THBS1: variants seen among roughly 807,000 people sequenced by gnomAD.
THBS1 encodes thrombospondin 1.
THBS1 carries 29 observed loss-of-function variants against 126.1 expected under a neutral mutation model. The observed-to-expected ratio is 0.23, with a 90% CI of 0.17 to 0.31. The LOEUF (loss-of-function observed/expected upper bound fraction) is 0.31. THBS1 is among the 10% of genes least tolerant of loss of function. THBS1 has a pLI of 1.00. For missense variants in THBS1, 1,198 were observed against 1,545.2 expected (o/e 0.78, Z 3.77); for synonymous variants, 496 against 577.8 (o/e 0.86, Z 2.03).
rs372911079 is a variant in THBS1 at position 39,581,902 on chromosome 15, G to T, written c.45G>T (p.Val15=). The change falls in exon 2 of 22, where the codon GTG becomes GTT. Residue 15 remains valine (V), a synonymous_variant. Transcript: ENST00000260356. ...TAGGCGTCCTGTTCCTGATGCATGT[G>T]TGTGGCACCAACCGCATTCCAGGTG... The part of the protein sequence containing the change: ...WGLGVLFLMH[V]CGTNRIPESG... 39 of 1,614,052 alleles carry T rather than the reference G, an allele frequency of 2.4e-5. No homozygotes were observed. The highest frequency in any genetic ancestry group is 1.1e-5 in the South Asian group (1 of 91,082).
At position 39,589,071 on chromosome 15, in the gene THBS1, C is replaced by G; in HGVS notation, c.1758C>G (p.Cys586Trp). The G allele has an allele frequency of 6.2e-7, 1 of 1,614,158 alleles. No homozygotes were observed. The highest frequency in any genetic ancestry group is 8.5e-7 in the Non-Finnish European group (1 of 1,180,032). ...PPGYSGNGIQ[C>W]TDVDECKEVP... The stretch of plus-strand genomic sequence containing the variant: ...GTTACAGTGGAAATGGCATCCAGTG[C>G]ACAGATGTTGATGAGGTGAGGAACT... Residue 586 changes from cysteine (C) to tryptophan (W), a missense_variant, in exon 11 of 22, where the codon TGC becomes TGG. Cys to Trp is a radical substitution (Grantham distance 215). Around this residue, in one of 4 missense-constraint regions of THBS1, gnomAD observed 663 missense variants for 860.1 expected, o/e 0.77. Coordinates refer to ENST00000260356, the MANE Select transcript of THBS1 (RefSeq NM_003246.4). This position sits in a 1 kb window ranked among gnomAD's most constrained non-coding sequence, Gnocchi z 4.7.
chr15:39,597,280 GTTTTTTTTTTTTT>G lies in THBS1; in HGVS notation c.*1920_*1932del. The G allele has an allele frequency of 2.1e-5, 1 of 48,044 alleles. No individual in the cohort carries two copies. Among genetic ancestry groups the G allele is most frequent in the African/African-American group, 8.0e-5 (1 of 12,474 alleles). 3.0% of individuals were successfully genotyped at this position (48,044 alleles called of 1,614,324 possible). A position where few individuals can be genotyped will look rare whatever the true frequency, so the allele number is the denominator to read the frequency against. ...GTTGGTTTTTTCTTTTTTTTGTTTT[GTTTTTTTTTTTTT>G]TTTTTTTTGCTTTTGACCTCCCATT... On this transcript the variant is annotated 3_prime_UTR_variant, in exon 22 of 22. Transcript: ENST00000260356.
At chr15:39,588,819 T>C (rs1297316373) in intron 10 of THBS1, 120 bp downstream of exon 10, 1 of 1,573,544 alleles carries the variant, frequency 6.4e-7, no homozygotes, top group Non-Finnish European at 8.7e-7. Flanking sequence ...TGCTCTAAGA[T>C]GCAGGTGGAC....
chr15:39,598,706 G>A lies in THBS1; in HGVS notation c.*3337G>A, dbSNP rs913519951. Reference sequence around the variant, plus strand: ...AAAATTAAAATTATGTCATCGAGATGATAGCTTTTTTCCTCCTCCAACAGT... The same window carrying A: ...AAAATTAAAATTATGTCATCGAGATAATAGCTTTTTTCCTCCTCCAACAGT... On this transcript the variant is annotated 3_prime_UTR_variant, in exon 22 of 22. Transcript: ENST00000260356. The A allele has an allele frequency of 2.6e-5, 4 of 152,162 alleles. No individual in the cohort carries two copies. The highest frequency in any genetic ancestry group is 2.9e-5 in the Non-Finnish European group (2 of 68,036). 9.4% of individuals were successfully genotyped at this position (152,162 alleles called of 1,614,324 possible).
At position 39,588,663 on chromosome 15, in the gene THBS1, GA is replaced by G; in HGVS notation, c.1613del (p.Asn538ThrfsTer23). 6.2e-7 allele frequency: 1 copy of G among 1,601,866 alleles called. No individual in the cohort carries two copies. The highest frequency in any genetic ancestry group is 8.5e-7 in the Non-Finnish European group (1 of 1,175,388). On this transcript the variant is annotated frameshift_variant, in exon 10 of 22. Transcript: ENST00000260356. LOFTEE classifies it high-confidence loss of function. ...GGKDCVGDVT[E>X]NQICNKQDCP... ...CAAGGACTGCGTTGGTGATGTAACA[GA>G]AAACCAGATCTGCAACAAGCAGGAC...
Position 39,593,262 on chromosome 15 carries a change from T to A in THBS1, c.2995+35T>A. On this transcript the variant is annotated intron_variant, in intron 18 of 21. Coordinates refer to ENST00000260356, the MANE Select transcript of THBS1 (RefSeq NM_003246.4). The surrounding 1 kb of genome is among the most constrained non-coding windows in gnomAD (Gnocchi z 5.9). ...GAGTTCTTAGATCCTAAGAGACTGA[T>A]GCATACATGGGGAAAAACAAATATA... is the stretch of plus-strand genomic sequence containing the variant. 2.5e-6 allele frequency: 4 copies of A among 1,611,314 alleles called. No homozygotes were observed. Among genetic ancestry groups the A allele is most frequent in the Non-Finnish European group, 3.4e-6 (4 of 1,177,460 alleles).
Position 39,582,617 on chromosome 15 carries a change from G to C in THBS1, c.492G>C (p.Arg164Ser). 1 of 1,614,086 alleles carries C rather than the reference G, an allele frequency of 6.2e-7. No individual in the cohort carries two copies. The highest frequency in any genetic ancestry group is 8.5e-7 in the Non-Finnish European group (1 of 1,180,036). The change falls in exon 3 of 22, where the codon AGG becomes AGC. Residue 164 changes from arginine to serine, a missense_variant. Physicochemically the swap from Arg to Ser is moderately radical, Grantham distance 110. This residue lies in a region of THBS1 where 271 missense variants were observed against 277.0 expected (regional missense o/e 0.98). Transcript: ENST00000260356. Reference sequence around the variant, plus strand: ...TCACCCTGTTTGTGCAGGAAGACAGGGCCCAGCTGTACATCGACTGTGAAA... The same window carrying C: ...TCACCCTGTTTGTGCAGGAAGACAGCGCCCAGCTGTACATCGACTGTGAAA... ...KSITLFVQED[R>S]AQLYIDCEKM...
intron 4 of THBS1, 63 bp downstream of exon 4, chr15:39,583,755 T>C (rs1423838649): frequency 2.6e-6 from 4 of 1,540,072 alleles, no homozygotes; most frequent in Non-Finnish European, 3.6e-6. Context: ...AAAAACAAAC[T>C]GAGGAATTTA....
intron 7 of THBS1, among the ~76,000 whole-genome samples, chr15:39,585,935 C>G (rs1890200192): frequency 6.6e-6 from 1 of 152,172 alleles, no homozygotes; most frequent in Admixed American, 6.5e-5. Flanking sequence ...GAGATATTGA[C>G]AGGCTTACTG....
intron 4 of THBS1, 141 bp from the exon 5 acceptor site, chr15:39,583,847 C>A: frequency 8.7e-7 from 1 of 1,150,676 alleles, no homozygotes; most frequent in Non-Finnish European, 1.2e-6. Flanking sequence ...ATTATACACA[C>A]ACACGTATAC....
chr15:39,590,456 T>C, intron 13 of THBS1, 60 bp from the exon 14 acceptor site: 1 of 1,345,732 alleles, frequency 7.4e-7, no homozygotes, highest in Middle Eastern at 1.8e-4. Context: ...CACTCCCTCG[T>C]GCATGAGCTC....
In THBS1 at chr15:39,595,500, T is replaced by A; in HGVS notation, c.*131T>A. The A allele has an allele frequency of 7.9e-7, 1 of 1,267,558 alleles. No homozygotes were observed. The allele number at this position is 1,267,558 out of a possible 1,614,324, so 78.5% of individuals were successfully genotyped here. A position where few individuals can be genotyped will look rare whatever the true frequency, so the allele number is the denominator to read the frequency against. ...CTTCTTTTCTGTGCTTGCATCAGTGTGGACTCCTAGAACGTGCGACCTGCC... is the reference window on the plus strand; with the variant it reads ...CTTCTTTTCTGTGCTTGCATCAGTGAGGACTCCTAGAACGTGCGACCTGCC... On this transcript the variant is annotated 3_prime_UTR_variant, in exon 22 of 22. Coordinates refer to ENST00000260356, the MANE Select transcript of THBS1 (RefSeq NM_003246.4).
At position 39,594,152 on chromosome 15, in the gene THBS1, C is replaced by G. The variant is rs745383779; in HGVS notation, c.3321C>G (p.Ala1107=). 6.2e-7 allele frequency: 1 copy of G among 1,614,188 alleles called. No individual in the cohort carries two copies. The highest frequency in any genetic ancestry group is 8.5e-7 in the Non-Finnish European group (1 of 1,180,018). The change falls in exon 20 of 22, where the codon GCC becomes GCG. Residue 1107 remains alanine, a synonymous_variant. Coordinates refer to ENST00000260356, the MANE Select transcript of THBS1 (RefSeq NM_003246.4). The surrounding 1 kb of genome is among the most constrained non-coding windows in gnomAD (Gnocchi z 4.4). ...PRHIGWKDFT[A]YRWRLSHRPK... ...ACATAGGCTGGAAAGATTTCACCGCCTACAGATGGCGTCTCAGCCACAGGC... is the reference window on the plus strand; with the variant it reads ...ACATAGGCTGGAAAGATTTCACCGCGTACAGATGGCGTCTCAGCCACAGGC...
chr15:39,584,582 GTTC>G (rs1165222397), intron 6 of THBS1, among the ~76,000 whole-genome samples, 160 bp downstream of exon 6: 1 of 151,682 alleles, frequency 6.6e-6, no homozygotes, highest in African/African-American at 2.4e-5. Context: ...GCATCTATAA[GTTC>G]TTCTTTAAAC....
In THBS1 at chr15:39,592,731, A is replaced by G; in HGVS notation, c.2696A>G (p.Asp899Gly). Residue 899 changes from aspartate (D) to glycine (G), a missense_variant, in exon 17 of 22, where the codon GAC (aspartate) becomes GGC (glycine). By Grantham distance (94) the Asp-to-Gly change is moderately conservative. Around this residue, in one of 4 missense-constraint regions of THBS1, gnomAD observed 255 missense variants for 373.9 expected, o/e 0.68. Transcript: ENST00000260356. The surrounding 1 kb of genome is among the most constrained non-coding windows in gnomAD (Gnocchi z 4.3). ...GGAGATGCCTGTGACCACGATGATGACAACGATGGCATTCCTGATGACAAG... is the reference window on the plus strand; with the variant it reads ...GGAGATGCCTGTGACCACGATGATGGCAACGATGGCATTCCTGATGACAAG... ...GKGDACDHDD[D>G]NDGIPDDKDN... is the part of the protein sequence containing the mutation. The G allele has an allele frequency of 6.2e-7, 1 of 1,614,208 alleles. No individual in the cohort carries two copies. The highest frequency in any genetic ancestry group is 8.5e-7 in the Non-Finnish European group (1 of 1,180,046).
chr15:39,590,113 G>T (rs1377000134), intron 13 of THBS1, 90 bp downstream of exon 13: 1 of 1,177,102 alleles, frequency 8.5e-7, no homozygotes. Context: ...TTAAAGTTTG[G>T]ACATGAAACT....
Position 39,588,641 on chromosome 15 carries a change from G to C in THBS1, c.1587G>C (p.Lys529Asn). Residue 529 changes from lysine (K) to asparagine (N), a missense_variant, in exon 10 of 22, where the codon AAG (lysine) becomes AAC (asparagine). Physicochemically the swap from Lys to Asn is moderately conservative, Grantham distance 94. Around this residue, in one of 4 missense-constraint regions of THBS1, gnomAD observed 663 missense variants for 860.1 expected, o/e 0.77. Coordinates refer to ENST00000260356, the MANE Select transcript of THBS1 (RefSeq NM_003246.4). ...CNNPTPQFGG[K>N]DCVGDVTENQ... ...ACCCCACACCCCAGTTTGGAGGCAA[G>C]GACTGCGTTGGTGATGTAACAGAAA... 1.2e-6 allele frequency: 2 copies of C among 1,609,104 alleles called. No individual in the cohort carries two copies. Among genetic ancestry groups the C allele is most frequent in the Non-Finnish European group, 1.7e-6 (2 of 1,178,214 alleles).
In THBS1 at chr15:39,594,029, T is replaced by TGATGG; in HGVS notation, c.3268-69_3268-65dup. ...CTCAGTACCTTTCAAGCATTGTTTC[T>TGATGG]GATGGAATGAAATAGAAATCTTTAC... is the stretch of plus-strand genomic sequence containing the variant. On this transcript the variant is annotated intron_variant, in intron 19 of 21. Coordinates refer to ENST00000260356, the MANE Select transcript of THBS1 (RefSeq NM_003246.4). The surrounding 1 kb of genome is among the most constrained non-coding windows in gnomAD (Gnocchi z 4.4). 1 of 1,478,878 alleles carries TGATGG rather than the reference T, an allele frequency of 6.8e-7. No homozygotes were observed. Among genetic ancestry groups the TGATGG allele is most frequent in the Non-Finnish European group, 9.2e-7 (1 of 1,085,542 alleles). 91.6% of individuals were successfully genotyped at this position (1,478,878 alleles called of 1,614,324 possible).
Position 39,588,977 on chromosome 15 carries a change from C to A in THBS1, c.1664C>A (p.Pro555His), listed in dbSNP as rs748187515. 2.5e-6 allele frequency: 4 copies of A among 1,614,124 alleles called. No homozygotes were observed. Among genetic ancestry groups the A allele is most frequent in the Non-Finnish European group, 3.4e-6 (4 of 1,180,038 alleles). ...GTCTCAGATGGATGCCTGTCCAATC[C>A]CTGCTTTGCCGGCGTGAAGTGTACT... ...DCPIDGCLSN[P>H]CFAGVKCTSY... Residue 555 changes from proline to histidine, a missense_variant, in exon 11 of 22, where the codon CCC becomes CAC. Transcript: ENST00000260356.
Sources: gnomAD v4.1 joint callset for allele counts (sites outside exome capture counted in the v4.1 genomes callset) on GRCh38, gnomAD v4.1.1 for gene constraint, gnomAD v4.1.1 regional missense constraint, Gnocchi (gnomAD v3.1) non-coding constraint, MANE v1.5 for transcripts, NCBI Gene and HGNC (gene_info 2026-07-23, HGNC 2026-07-21) for gene names.